The following DCAF6 variants were observed in gnomAD, a reference collection of about 807,000 sequenced individuals.
The protein encoded by DCAF6 is DDB1 and CUL4 associated factor 6.
DCAF6 carries 54 observed loss-of-function variants against 125.1 expected under a neutral mutation model. That is an observed-to-expected ratio of 0.43 (90% confidence interval 0.35 to 0.54). The LOEUF is 0.54. Among genes scored for constraint, DCAF6 ranks in the 20% least tolerant of loss-of-function variants. DCAF6 has a pLI of 0.01. For missense variants in DCAF6, 934 were observed against 1,161.7 expected, an observed-to-expected ratio of 0.80 and a Z score of 2.85; for synonymous variants, 371 against 390.4, an observed-to-expected ratio of 0.95 and a Z score of 0.58.
chr1:168,073,393 G>A (rs1693381225), intron 21 of DCAF6, among the ~76,000 whole-genome samples: 1 of 152,214 alleles, frequency 6.6e-6, no homozygotes, highest in Non-Finnish European at 1.5e-5. Flanking sequence ...CATTCTGGAA[G>A]AGGTGACTAT....
intron 12 of DCAF6, among the ~76,000 whole-genome samples, chr1:168,034,281 G>C (rs1357233258): frequency 6.6e-6 from 1 of 152,174 alleles, no homozygotes; most frequent in Non-Finnish European, 1.5e-5. Context: ...TTGGAGTGCT[G>C]AGGAAGCAGG....
intron 1 of DCAF6, chr1:167,937,241 C>G (rs1053553206): frequency 1.7e-6 from 1 of 585,296 alleles, no homozygotes; most frequent in Non-Finnish European, 3.1e-6. Context: ...AGGGCCGGGC[C>G]GTGGGCAGAA....
chr1:167,914,469 C>G, the DCAF6 span, among the ~76,000 whole-genome samples: 1 of 152,176 alleles, frequency 6.6e-6, no homozygotes, highest in Non-Finnish European at 1.5e-5. Context: ...CAGCTTGTAC[C>G]AGGACTATGA....
intron 12 of DCAF6, among the ~76,000 whole-genome samples, chr1:168,027,930 T>C (rs990087421): frequency 6.6e-5 from 10 of 152,086 alleles, no homozygotes; most frequent in African/African-American, 2.4e-4. Flanking sequence ...AGAAACAAAA[T>C]TGTAGGGAAA....
chr1:168,018,758 A>G (rs1427927612), intron 11 of DCAF6, among the ~76,000 whole-genome samples: 1 of 152,232 alleles, frequency 6.6e-6, no homozygotes, highest in East Asian at 1.9e-4. Flanking sequence ...AATATGCAGG[A>G]ACTCATAAAA....
intron 17 of DCAF6, chr1:168,056,262 G>C: frequency 6.2e-7 from 1 of 1,611,610 alleles, no homozygotes; most frequent in Non-Finnish European, 8.5e-7. Flanking sequence ...GTGTTTCTCT[G>C]TGAATTTACG....
intron 3 of DCAF6, 82 bp downstream of exon 3, chr1:167,966,803 A>G (rs1676486240): frequency 1.2e-6 from 1 of 836,176 alleles, no homozygotes; most frequent in Admixed American, 2.3e-5. Context: ...GAACAGTCAT[A>G]GAATGGGCAT....
At chr1:167,994,784 G>A (rs1289216866) in intron 7 of DCAF6, among the ~76,000 whole-genome samples, 1 of 151,792 alleles carries the variant, frequency 6.6e-6, no homozygotes, top group Non-Finnish European at 1.5e-5. Flanking sequence ...TTGAACTTTG[G>A]CTTGTAAAAG....
chr1:167,925,476 CAT>C, the DCAF6 span, among the ~76,000 whole-genome samples: 1,481 of 69,684 alleles, frequency 0.021, 28 homozygotes, highest in African/African-American at 0.061. Context: ...TATATATATA[CAT>C]ATACATATAC....
chr1:167,893,770 GT>G, the DCAF6 span: 1,791 of 741,208 alleles, frequency 2.4e-3, 4 homozygotes, highest in African/African-American at 0.024. Flanking sequence ...AGTAGCTGCT[GT>G]TTTTTTTTTC....
At chr1:167,954,744 A>C (rs1410946623) in intron 2 of DCAF6, among the ~76,000 whole-genome samples, 1 of 152,102 alleles carries the variant, frequency 6.6e-6, no homozygotes, top group Non-Finnish European at 1.5e-5. Flanking sequence ...GAGCCACCGC[A>C]CCCGGCAAAT....
chr1:168,017,389 C>G (rs1450757481), intron 11 of DCAF6, among the ~76,000 whole-genome samples: 2 of 151,896 alleles, frequency 1.3e-5, no homozygotes, highest in Non-Finnish European at 2.9e-5. Flanking sequence ...TTAAAATGAT[C>G]TTGAGTATAA....
the DCAF6 span, among the ~76,000 whole-genome samples, chr1:167,873,505 T>C: frequency 6.6e-5 from 10 of 152,216 alleles, no homozygotes; most frequent in Non-Finnish European, 1.5e-4. Context: ...CTTTTGGGGA[T>C]GTTCGTGTCT....
intron 1 of DCAF6, chr1:167,937,358 C>G (rs1160000446): frequency 1.2e-5 from 3 of 260,274 alleles, no homozygotes; most frequent in Non-Finnish European, 2.4e-5. Flanking sequence ...CTCTTTTGCT[C>G]TTTTCCAGCG....
chr1:167,927,868 T>C, the DCAF6 span, among the ~76,000 whole-genome samples: 2 of 152,202 alleles, frequency 1.3e-5, no homozygotes, highest in Non-Finnish European at 2.9e-5. Flanking sequence ...AGTGAATAAT[T>C]TTAAACTATG....
the DCAF6 span, among the ~76,000 whole-genome samples, chr1:167,875,721 T>C: frequency 9.9e-5 from 15 of 150,998 alleles, no homozygotes; most frequent in Non-Finnish European, 1.9e-4. Context: ...GAGGCCGAGG[T>C]GGGCAGATCA....
At chr1:168,018,045 C>CAT (rs1194722370) in intron 11 of DCAF6, among the ~76,000 whole-genome samples, 1 of 152,108 alleles carries the variant, frequency 6.6e-6, no homozygotes, top group Non-Finnish European at 1.5e-5. Flanking sequence ...GTTTGGCAAC[C>CAT]ATTTTATTCT....
At chr1:167,963,279 A>T (rs1260352876) in intron 2 of DCAF6, among the ~76,000 whole-genome samples, 2 of 152,012 alleles carry the variant, frequency 1.3e-5, no homozygotes, top group Non-Finnish European at 2.9e-5. Context: ...AAAAACCAAA[A>T]TAATAATTTT....
chr1:168,002,069 AAAT>A (rs1297184715), intron 7 of DCAF6, among the ~76,000 whole-genome samples: 7 of 152,154 alleles, frequency 4.6e-5, no homozygotes, highest in Non-Finnish European at 7.4e-5. Flanking sequence ...TAATAAATAA[AAAT>A]AATGATGGTT....
Sources: gnomAD v4.1 joint callset for allele counts (sites outside exome capture counted in the v4.1 genomes callset) on GRCh38, gnomAD v4.1.1 for gene constraint, MANE v1.5 for transcripts, NCBI Gene and HGNC (gene_info 2026-07-23, HGNC 2026-07-21) for gene names.